PTPRF: variants seen among roughly 807,000 people sequenced by gnomAD.
PTPRF encodes protein tyrosine phosphatase receptor type F, also known as receptor-type tyrosine-protein phosphatase F.
Under a neutral mutation model 201.8 loss-of-function variants are expected in PTPRF, and 59 were observed. The ratio of observed to expected loss-of-function variants is 0.29; its 90% CI spans 0.24 to 0.36. The LOEUF (loss-of-function observed/expected upper bound fraction) is 0.36, where lower values mean the gene tolerates loss of function less well. PTPRF is among the 10% of genes least tolerant of loss of function. The probability of loss-of-function intolerance (pLI) is 1.00; values close to 1 mark genes in which losing one functional copy is unlikely to be tolerated. For missense variants in PTPRF, 2,132 were observed against 2,690.5 expected, an observed-to-expected ratio of 0.79 and a Z score of 4.59; for synonymous variants, 1,088 against 1,089.7, an observed-to-expected ratio of 1.00 and a Z score of 0.03.
chr1:43,595,461 C>T (rs932996197), intron 11 of PTPRF, among the ~76,000 whole-genome samples: 74 of 152,250 alleles, frequency 4.9e-4, no homozygotes, highest in African/African-American at 1.7e-3. Context: ...ACCTCGTGAT[C>T]CGCCCGCCTC....
Position 43,597,864 on chromosome 1 carries a change from G to A in PTPRF, c.1930G>A (p.Val644Met), listed in dbSNP as rs748539042. 3.7e-6 allele frequency: 6 copies of A among 1,608,574 alleles called. No homozygotes were observed. Among genetic ancestry groups the A allele is most frequent in the East Asian group, 2.2e-5 (1 of 44,662 alleles). Residue 644 changes from valine (V) to methionine (M), a missense_variant, in exon 12 of 34, where the codon GTG becomes ATG. By Grantham distance (21) the Val-to-Met change is conservative. This residue lies in a region of PTPRF where 125 missense variants were observed against 211.9 expected (regional missense o/e 0.59). Transcript: ENST00000359947. Reference sequence around the variant, plus strand: ...CAACGGCGTTATCACCCAGTACTCCGTGGCCTACGAGGCGGTGGACGGCGA... The same window carrying A: ...CAACGGCGTTATCACCCAGTACTCCATGGCCTACGAGGCGGTGGACGGCGA... ...SRNGVITQYS[V>M]AYEAVDGEDR...
intron 8 of PTPRF, among the ~76,000 whole-genome samples, chr1:43,590,394 A>G (rs906688283): frequency 4.6e-5 from 7 of 152,168 alleles, no homozygotes; most frequent in African/African-American, 7.2e-5. Context: ...CCCCAGCACA[A>G]TGTCTGGCAT....
chr1:43,568,365 G>C (rs770650807), intron 5 of PTPRF, among the ~76,000 whole-genome samples: 1 of 151,978 alleles, frequency 6.6e-6, no homozygotes, highest in Admixed American at 6.6e-5. Flanking sequence ...CCAGCCTAGA[G>C]TGGAAAAGGG....
At chr1:43,589,291 CTTA>C (rs1649994690) in intron 8 of PTPRF, among the ~76,000 whole-genome samples, 1 of 151,910 alleles carries the variant, frequency 6.6e-6, no homozygotes, top group Admixed American at 6.6e-5. Context: ...GATAGGTGCT[CTTA>C]TTATTTCCAT....
In PTPRF at chr1:43,554,064, G is replaced by A. The variant is rs558787838; in HGVS notation, c.379+123G>A. On this transcript the variant is annotated intron_variant, in intron 5 of 33. Coordinates refer to ENST00000359947, the MANE Select transcript of PTPRF (RefSeq NM_002840.5). This position sits in a 1 kb window ranked among gnomAD's most constrained non-coding sequence, Gnocchi z 4.1. Reference sequence around the variant, plus strand: ...AGAAAGGAGGACTGGCCACCTCGGGGTCAGTGAAAGTCAGTGGTGGACAGG... The same window carrying A: ...AGAAAGGAGGACTGGCCACCTCGGGATCAGTGAAAGTCAGTGGTGGACAGG... 31 of 1,266,362 alleles carry A rather than the reference G, an allele frequency of 2.4e-5. No individual in the cohort carries two copies. The highest frequency in any genetic ancestry group is 3.0e-5 in the Non-Finnish European group (28 of 922,532). The allele number at this position is 1,266,362 out of a possible 1,614,324, so 78.4% of individuals were successfully genotyped here.
At position 43,554,066 on chromosome 1, in the gene PTPRF, C is replaced by A; in HGVS notation, c.379+125C>A. 1.6e-6 allele frequency: 2 copies of A among 1,266,624 alleles called. No homozygotes were observed. Among genetic ancestry groups the A allele is most frequent in the Non-Finnish European group, 2.2e-6 (2 of 922,962 alleles). 78.5% of individuals were successfully genotyped at this position (1,266,624 alleles called of 1,614,324 possible). A position where few individuals can be genotyped will look rare whatever the true frequency, so the allele number is the denominator to read the frequency against. ...AAAGGAGGACTGGCCACCTCGGGGTCAGTGAAAGTCAGTGGTGGACAGGGA... is the reference window on the plus strand; with the variant it reads ...AAAGGAGGACTGGCCACCTCGGGGTAAGTGAAAGTCAGTGGTGGACAGGGA... On this transcript the variant is annotated intron_variant, in intron 5 of 33. Coordinates refer to ENST00000359947, the MANE Select transcript of PTPRF (RefSeq NM_002840.5). The surrounding 1 kb of genome is among the most constrained non-coding windows in gnomAD (Gnocchi z 4.1).
At chr1:43,534,079 A>T (rs1414804876) in intron 1 of PTPRF, among the ~76,000 whole-genome samples, 1 of 152,160 alleles carries the variant, frequency 6.6e-6, no homozygotes, top group Non-Finnish European at 1.5e-5. Flanking sequence ...AGAAGAAGTG[A>T]TGTGAACTAG....
chr1:43,572,211 G>A (rs1646621549), intron 6 of PTPRF, among the ~76,000 whole-genome samples: 1 of 152,196 alleles, frequency 6.6e-6, no homozygotes, highest in Admixed American at 6.5e-5. Context: ...TGCAGGGAGG[G>A]CCTGGGTCTG....
rs777812290 is a variant in PTPRF at position 43,619,726 on chromosome 1, A to T, written c.4979A>T (p.Asn1660Ile). The T allele has an allele frequency of 3.7e-6, 6 of 1,614,100 alleles. No homozygotes were observed. The highest frequency in any genetic ancestry group is 2.7e-5 in the African/African-American group (2 of 74,930). Reference protein sequence around the residue: ...KAHTSRFISANLPCNKFKNRL... With the variant: ...KAHTSRFISAILPCNKFKNRL... Reference sequence around the variant, plus strand: ...CACACGTCCCGCTTCATCAGCGCCAACCTGCCCTGCAACAAGTTCAAGAAC... The same window carrying T: ...CACACGTCCCGCTTCATCAGCGCCATCCTGCCCTGCAACAAGTTCAAGAAC... The change falls in exon 29 of 34, where the codon AAC (asparagine) becomes ATC (isoleucine). Residue 1660 changes from asparagine (N) to isoleucine (I), a missense_variant. Physicochemically the swap from Asn to Ile is moderately radical, Grantham distance 149 (BLOSUM62 -3). Coordinates refer to ENST00000359947, the MANE Select transcript of PTPRF (RefSeq NM_002840.5).
chr1:43,605,019 C>G lies in PTPRF; in HGVS notation c.3135+19C>G. Reference sequence around the variant, plus strand: ...CTTTAAGGTGAGTAAGGGCCACGGCCAGCTGAGCCTGGCACACACACAGGC... The same window carrying G: ...CTTTAAGGTGAGTAAGGGCCACGGCGAGCTGAGCCTGGCACACACACAGGC... On this transcript the variant is annotated intron_variant, in intron 17 of 33. Coordinates refer to ENST00000359947, the MANE Select transcript of PTPRF (RefSeq NM_002840.5). The G allele has an allele frequency of 1.2e-6, 2 of 1,611,082 alleles. No individual in the cohort carries two copies. The highest frequency in any genetic ancestry group is 1.7e-6 in the Non-Finnish European group (2 of 1,177,790).
At chr1:43,531,446 C>T (rs1306250710) in intron 1 of PTPRF, among the ~76,000 whole-genome samples, 4 of 144,006 alleles carry the variant, frequency 2.8e-5, no homozygotes, top group African/African-American at 1.0e-4. Context: ...CTTGCTCCCC[C>T]TCATCGGTCC....
intron 6 of PTPRF, among the ~76,000 whole-genome samples, chr1:43,573,243 G>T (rs1384388482): frequency 6.6e-6 from 1 of 152,160 alleles, no homozygotes; most frequent in African/African-American, 2.4e-5. Flanking sequence ...GGGGCTCAGA[G>T]CCCCTGCTGG....
At chr1:43,612,651 C>G (rs1656735720) in intron 22 of PTPRF, 1 of 953,724 alleles carries the variant, frequency 1.0e-6, no homozygotes, top group Non-Finnish European at 1.5e-6. Flanking sequence ...CAGCCCCTCG[C>G]AAGCCCGCTC....
chr1:43,622,432 GTTTAT>G lies in PTPRF; in HGVS notation c.*433_*437del, dbSNP rs1334847442. 1.2e-5 allele frequency: 2 copies of G among 163,562 alleles called. No homozygotes were observed. The highest frequency in any genetic ancestry group is 4.8e-5 in the African/African-American group (2 of 41,736). 10.1% of individuals were successfully genotyped at this position (163,562 alleles called of 1,614,324 possible). The stretch of plus-strand genomic sequence containing the variant: ...AGAATGGGCCACTGTAGGGGTTGGG[GTTTAT>G]TTTGTTTTGTTTTTTTTTTTCTTGA... On this transcript the variant is annotated 3_prime_UTR_variant, in exon 34 of 34. Transcript: ENST00000359947.
At chr1:43,620,250 T>A (rs748130822) in intron 30 of PTPRF, 29 bp downstream of exon 30, 2 of 1,611,712 alleles carry the variant, frequency 1.2e-6, no homozygotes, top group East Asian at 4.5e-5. Flanking sequence ...CCAGGGCCCC[T>A]GTCATACCTG....
intron 2 of PTPRF, among the ~76,000 whole-genome samples, chr1:43,543,390 G>A (rs1244312451): frequency 6.6e-6 from 1 of 152,244 alleles, no homozygotes; most frequent in African/African-American, 2.4e-5. Context: ...CCAGCTTGGT[G>A]TAAATGGGGC....
intron 21 of PTPRF, among the ~76,000 whole-genome samples, chr1:43,609,163 C>T (rs77524966): frequency 0.01 from 1,569 of 152,274 alleles, 33 homozygotes; most frequent in African/African-American, 0.037. Flanking sequence ...CCTCTGCTCA[C>T]GCCACACTCC....
At chr1:43,557,371 C>T (rs148642627) in intron 5 of PTPRF, among the ~76,000 whole-genome samples, 2,219 of 152,268 alleles carry the variant, frequency 0.015, 59 homozygotes, top group African/African-American at 0.05. Flanking sequence ...TGGTGGCTCA[C>T]GCCTGTAATC....
intron 21 of PTPRF, among the ~76,000 whole-genome samples, chr1:43,607,457 G>A (rs768705096): frequency 3.9e-5 from 6 of 152,148 alleles, no homozygotes; most frequent in South Asian, 2.1e-4. Flanking sequence ...TGCTGTGCCC[G>A]TGCCATCCGC....
Sources: gnomAD v4.1 joint callset for allele counts (sites outside exome capture counted in the v4.1 genomes callset) on GRCh38, gnomAD v4.1.1 for gene constraint, gnomAD v4.1.1 regional missense constraint, Gnocchi (gnomAD v3.1) non-coding constraint, MANE v1.5 for transcripts, NCBI Gene and HGNC (gene_info 2026-07-23, HGNC 2026-07-21) for gene names.